The following DNAH5 variants were observed in gnomAD, a reference collection of about 807,000 sequenced individuals.
DNAH5 encodes axonemal beta dynein heavy chain 5.
A neutral mutation model predicts 518.2 loss-of-function variants in DNAH5; 372 were observed. That is an observed-to-expected ratio of 0.72 (90% CI 0.66 to 0.78). The LOEUF (loss-of-function observed/expected upper bound fraction) is 0.78. Ranked by LOEUF, DNAH5 falls within the 30% of genes least tolerant of loss-of-function variation. DNAH5 has a pLI of 0.00. For missense variants in DNAH5, 5,523 were observed against 5,687.0 expected (o/e 0.97, Z 0.93); for synonymous variants, 2,039 against 2,025.9 (o/e 1.01, Z -0.17).
At chr5:13,878,430 C>T (rs560452983) in intron 21 of DNAH5, among the ~76,000 whole-genome samples, 3 of 152,178 alleles carry the variant, frequency 2.0e-5, no homozygotes, top group African/African-American at 4.8e-5. Flanking sequence ...GGCACCCCCC[C>T]GCCTAGTGTC....
intron 1 of DNAH5, among the ~76,000 whole-genome samples, chr5:14,006,064 C>CAAA: frequency 7.7e-5 from 1 of 13,002 alleles, no homozygotes; most frequent in Non-Finnish European, 2.0e-4. Flanking sequence ...TTCTCCCACC[C>CAAA]AACACCTCCC....
intron 12 of DNAH5, among the ~76,000 whole-genome samples, chr5:13,904,026 G>C (rs1774988886): frequency 6.6e-6 from 1 of 151,804 alleles, no homozygotes. Flanking sequence ...TAAAATTCAA[G>C]ACAACCATAG....
intron 47 of DNAH5, among the ~76,000 whole-genome samples, chr5:13,799,450 C>T (rs1319803655): frequency 1.3e-5 from 2 of 152,126 alleles, no homozygotes; most frequent in Non-Finnish European, 2.9e-5. Context: ...TTCTTCCCCT[C>T]CACTGTAACC....
At chr5:13,793,394 G>T in intron 49 of DNAH5, 121 bp downstream of exon 49, 1 of 786,304 alleles carries the variant, frequency 1.3e-6, no homozygotes, top group South Asian at 1.4e-5. Context: ...AGTGATGGAG[G>T]CTGTAGACCA....
chr5:13,942,225 T>C (rs1289522142), intron 1 of DNAH5, among the ~76,000 whole-genome samples: 2 of 150,244 alleles, frequency 1.3e-5, no homozygotes, highest in East Asian at 3.8e-4. Context: ...ATTTGGTTGT[T>C]ACTGGCATGA....
At position 13,752,241 on chromosome 5, in the gene DNAH5, G is replaced by A; in HGVS notation, c.10921C>T (p.Leu3641Phe). ...ATAAGCAAAGGCCTTCCAAGAGAAA[G>A]GCTGTCTTCCAGGTGGTTTCTGAAG... ...KYFRNHLEDSLSLGRPLLIED... is the reference protein window; with the variant it reads ...KYFRNHLEDSFSLGRPLLIED... The change falls in exon 64 of 79, where the codon CTT (leucine) becomes TTT (phenylalanine). Residue 3641 changes from leucine to phenylalanine, a missense_variant. Transcript: ENST00000265104. 1.2e-6 allele frequency: 2 copies of A among 1,614,056 alleles called. No individual in the cohort carries two copies. The highest frequency in any genetic ancestry group is 1.7e-6 in the Non-Finnish European group (2 of 1,179,962).
chr5:14,003,810 T>C (rs1010476820), intron 1 of DNAH5, among the ~76,000 whole-genome samples: 2 of 152,226 alleles, frequency 1.3e-5, no homozygotes, highest in Admixed American at 1.3e-4. Flanking sequence ...CCCACTGCCC[T>C]GAGGCCACCC....
chr5:13,976,689 G>GTATATA (rs1216182959), intron 1 of DNAH5, among the ~76,000 whole-genome samples: 11 of 137,974 alleles, frequency 8.0e-5, no homozygotes, highest in Non-Finnish European at 1.1e-4. Context: ...GTGTGTGTGT[G>GTATATA]TATATATATA....
At chr5:13,710,749 T>A (rs564713865) in intron 75 of DNAH5, among the ~76,000 whole-genome samples, 1 of 152,182 alleles carries the variant, frequency 6.6e-6, no homozygotes, top group African/African-American at 2.4e-5. Context: ...TTTACACACA[T>A]AAACCAGAAC....
At chr5:13,773,730 T>G (rs1753675194) in intron 55 of DNAH5, among the ~76,000 whole-genome samples, 1 of 152,072 alleles carries the variant, frequency 6.6e-6, no homozygotes, top group East Asian at 1.9e-4. Flanking sequence ...CTGTGGTTAA[T>G]CCCAAGAAGA....
intron 65 of DNAH5, among the ~76,000 whole-genome samples, chr5:13,747,833 T>G (rs556093304): frequency 1.3e-5 from 2 of 152,258 alleles, no homozygotes; most frequent in African/African-American, 4.8e-5. Flanking sequence ...TTCTGTAGGT[T>G]GCCTGTTCAC....
chr5:13,892,914 C>T (rs187985312), intron 16 of DNAH5, among the ~76,000 whole-genome samples: 21 of 152,096 alleles, frequency 1.4e-4, no homozygotes, highest in Non-Finnish European at 1.3e-4. Flanking sequence ...AGCCATTTAG[C>T]ATCTCTGGCT....
In DNAH5 at chr5:14,006,811, G is replaced by A. The variant is rs574207203; in HGVS notation, c.12+4837C>T. On this transcript the variant is annotated intron_variant, in intron 1 of 78. Coordinates refer to the DNAH5 transcript ENST00000681290. The stretch of plus-strand genomic sequence containing the variant: ...GTGCTGTGGGCTGACTGACAGGAGG[G>A]CTTGGTCTTTTTTATTCTTTCTTAT... Among the ~76,000 whole-genome samples the A allele has an allele frequency of 2.7e-4, 41 of 152,292 alleles. No individual in the cohort carries two copies. In the South Asian group the frequency reaches 7.1e-3, roughly 26 times the overall value.
rs550510316 is a variant in DNAH5, at chr5:13,729,263, G to A, written c.11883+176C>T. ...TACCTGCAAGATCAGTTAACGATGAGCAGAGAATGCCTTATCAGAGTGTAA... is the reference window on the plus strand; with the variant it reads ...TACCTGCAAGATCAGTTAACGATGAACAGAGAATGCCTTATCAGAGTGTAA... On this transcript the variant is annotated intron_variant, in intron 69 of 78. Transcript: ENST00000265104. 4.6e-5 allele frequency among the ~76,000 whole-genome samples: 7 copies of A among 152,326 alleles called. 1 individual carries two copies. The highest frequency in any genetic ancestry group is 1.7e-4 in the African/African-American group (7 of 41,562).
At chr5:13,925,799 CAA>C in intron 3 of DNAH5, among the ~76,000 whole-genome samples, 1 of 152,220 alleles carries the variant, frequency 6.6e-6, no homozygotes, top group South Asian at 2.1e-4. Flanking sequence ...TCATGCTATG[CAA>C]ACGGTGAGGT....
chr5:13,751,782 G>C (rs1348592241), intron 64 of DNAH5, among the ~76,000 whole-genome samples: 1 of 152,112 alleles, frequency 6.6e-6, no homozygotes, highest in Non-Finnish European at 1.5e-5. Context: ...GGTGTGGACA[G>C]GGGATTGCAT....
intron 65 of DNAH5, among the ~76,000 whole-genome samples, chr5:13,744,685 ATT>A (rs1375417800): frequency 1.3e-5 from 2 of 152,120 alleles, no homozygotes; most frequent in African/African-American, 4.8e-5. Flanking sequence ...TGAACATAGC[ATT>A]TGTTAATTAA....
At chr5:13,947,327 G>A (rs964000695), upstream of DNAH5, among the ~76,000 whole-genome samples, 9 of 152,022 alleles carry the variant, frequency 5.9e-5, no homozygotes, top group African/African-American at 1.2e-4. Context: ...TGTACATCCC[G>A]TTCCATATGG....
intron 62 of DNAH5, 130 bp downstream of exon 62, chr5:13,754,073 A>C: frequency 9.4e-7 from 1 of 1,068,268 alleles, no homozygotes; most frequent in African/African-American, 1.6e-5. Flanking sequence ...ACATGCGCAC[A>C]ATGTGCGGGT....
Sources: allele counts gnomAD v4.1 joint callset (sites outside exome capture counted in the v4.1 genomes callset), GRCh38; gene constraint gnomAD v4.1.1; transcripts MANE v1.5; gene names NCBI Gene and HGNC (gene_info 2026-07-23, HGNC 2026-07-21).